DMD: variants seen among roughly 807,000 people sequenced by gnomAD.
DMD encodes the protein mutant dystrophin.
A neutral mutation model predicts 330.1 loss-of-function variants in DMD; 63 were observed. The ratio of observed to expected loss-of-function variants is 0.19; its 90% CI spans 0.16 to 0.24. The LOEUF is 0.24. Ranked by LOEUF, DMD falls within the 10% of genes least tolerant of loss-of-function variation. The pLI, the probability that DMD is intolerant of heterozygous loss-of-function variation, is 1.00. For missense variants in DMD, 3,344 were observed against 2,684.1 expected (o/e 1.25, Z -5.43); for synonymous variants, 1,223 against 959.8 (o/e 1.27, Z -5.07).
chrX:32,345,888 C>T, intron 39 of DMD, 55 bp downstream of exon 39: 2 of 1,158,943 alleles, frequency 1.7e-6, no homozygotes, highest in Non-Finnish European at 2.3e-6. Flanking sequence ...ATATTTTACC[C>T]TATATATTAA....
intron 60 of DMD, among the ~76,000 whole-genome samples, chrX:31,403,282 C>G (rs191069752): frequency 9.0e-6 from 1 of 111,606 alleles, no homozygotes; most frequent in Admixed American, 9.5e-5. Flanking sequence ...GAACTTGACA[C>G]GAAGAGAAGA....
intron 29 of DMD, among the ~76,000 whole-genome samples, chrX:32,432,381 G>A (rs968469058): frequency 9.0e-6 from 1 of 111,721 alleles, no homozygotes; most frequent in Admixed American, 9.6e-5. Flanking sequence ...TCATAGGCAT[G>A]TTACGGCATG....
chrX:32,957,135 T>C (rs945861694), intron 2 of DMD, among the ~76,000 whole-genome samples: 5 of 111,631 alleles, frequency 4.5e-5, no homozygotes, highest in Admixed American at 3.8e-4. Flanking sequence ...AACTTACTTT[T>C]AGTGTCAACA....
intron 52 of DMD, among the ~76,000 whole-genome samples, chrX:31,690,884 C>T (rs61324928): frequency 4.5e-5 from 5 of 110,627 alleles, no homozygotes; most frequent in African/African-American, 9.9e-5. Context: ...AACCAAACAC[C>T]GCATGTTCTC....
At chrX:31,352,052 AG>A (rs1326853663) in intron 60 of DMD, among the ~76,000 whole-genome samples, 2 of 111,332 alleles carry the variant, frequency 1.8e-5, no homozygotes, top group African/African-American at 6.5e-5. Flanking sequence ...GTTGAAAAAA[AG>A]TATTTTATAA....
chrX:32,419,678 A>T (rs2098181730), intron 29 of DMD, among the ~76,000 whole-genome samples: 1 of 112,429 alleles, frequency 8.9e-6, no homozygotes, highest in South Asian at 3.7e-4. Flanking sequence ...TGGAGCTCCT[A>T]TAATTTTCTT....
chrX:31,779,873 G>GA (rs769638514), intron 50 of DMD, among the ~76,000 whole-genome samples: 1 of 112,045 alleles, frequency 8.9e-6, no homozygotes, highest in East Asian at 2.8e-4. Context: ...TAAGCAGACA[G>GA]AAAATCAAGC....
At chrX:32,788,522 T>G (rs2148613776) in intron 7 of DMD, among the ~76,000 whole-genome samples, 1 of 112,111 alleles carries the variant, frequency 8.9e-6, no homozygotes, top group African/African-American at 3.2e-5. Flanking sequence ...TACAGCTAAG[T>G]AAATGTCATA....
At chrX:33,202,412 G>C (rs1258622295) in intron 1 of DMD, among the ~76,000 whole-genome samples, 1 of 111,499 alleles carries the variant, frequency 9.0e-6, no homozygotes, top group Non-Finnish European at 1.9e-5. Context: ...AGATGATTAT[G>C]TTTCCCCACC....
At chrX:31,872,088 TC>T (rs1295817618) in intron 48 of DMD, among the ~76,000 whole-genome samples, 19 of 106,142 alleles carry the variant, frequency 1.8e-4, no homozygotes, top group African/African-American at 6.2e-4. Context: ...ATGTTTCCCC[TC>T]CCCCCACCTT....
intron 63 of DMD, among the ~76,000 whole-genome samples, chrX:31,253,710 C>G (rs1339006692): frequency 3.6e-5 from 4 of 111,904 alleles, no homozygotes; most frequent in African/African-American, 9.7e-5. Flanking sequence ...GTTCTCCTAA[C>G]TAGAACTGCT....
intron 55 of DMD, among the ~76,000 whole-genome samples, chrX:31,622,068 C>T (rs1183953834): frequency 1.8e-5 from 2 of 111,223 alleles, no homozygotes; most frequent in Non-Finnish European, 3.8e-5. Context: ...GGTTAAAATC[C>T]ACCGTTCTAG....
intron 42 of DMD, among the ~76,000 whole-genome samples, chrX:32,307,525 G>C (rs991971745): frequency 3.9e-4 from 43 of 111,645 alleles, no homozygotes; most frequent in African/African-American, 1.4e-3. Flanking sequence ...TGCTGAGTCA[G>C]GAAATGATAT....
chrX:32,717,271 AG>A (rs2065829740), intron 7 of DMD, among the ~76,000 whole-genome samples: 1 of 111,614 alleles, frequency 9.0e-6, no homozygotes, highest in South Asian at 3.8e-4. Flanking sequence ...TTCGGAGGCC[AG>A]GCCTAGGGCC....
intron 7 of DMD, among the ~76,000 whole-genome samples, chrX:32,719,980 A>ATG (rs1410425490): frequency 9.1e-6 from 1 of 109,829 alleles, no homozygotes; most frequent in Non-Finnish European, 1.9e-5. Flanking sequence ...ATATATATAT[A>ATG]TATATATACA....
At chrX:33,096,661 C>A (rs1370643552) in intron 1 of DMD, among the ~76,000 whole-genome samples, 1 of 110,996 alleles carries the variant, frequency 9.0e-6, no homozygotes, top group Admixed American at 9.7e-5. Context: ...TGCACCACCA[C>A]ACCTGGCTAA....
At chrX:32,340,597 T>A (rs975251574) in intron 41 of DMD, among the ~76,000 whole-genome samples, 1 of 111,743 alleles carries the variant, frequency 8.9e-6, no homozygotes. Context: ...ATTGGGTGTG[T>A]CAAGACCTGG....
intron 16 of DMD, among the ~76,000 whole-genome samples, chrX:32,556,081 G>A (rs2050266078): frequency 9.0e-6 from 1 of 110,958 alleles, no homozygotes; most frequent in African/African-American, 3.3e-5. Context: ...TCTGACAATG[G>A]TCCAGAGTCT....
intron 44 of DMD, among the ~76,000 whole-genome samples, chrX:32,147,133 G>C (rs1383342650): frequency 1.8e-5 from 2 of 111,538 alleles, no homozygotes; most frequent in African/African-American, 3.3e-5. Flanking sequence ...CCACCATGCA[G>C]ATCCCAGCAA....
Sources: allele counts gnomAD v4.1 joint callset (sites outside exome capture counted in the v4.1 genomes callset), GRCh38; gene constraint gnomAD v4.1.1; transcripts MANE v1.5; gene names NCBI Gene and HGNC (gene_info 2026-07-23, HGNC 2026-07-21).